The following NAALADL2 variants were observed in gnomAD, a reference collection of about 807,000 sequenced individuals.
NAALADL2 encodes N-acetylated alpha-linked acidic dipeptidase like 2.
NAALADL2 carries 76 observed loss-of-function variants against 87.2 expected under a neutral mutation model. That is an observed-to-expected ratio of 0.87 (90% CI 0.72 to 1.05). The LOEUF (loss-of-function observed/expected upper bound fraction) is 1.05, where lower values mean the gene tolerates loss of function less well. NAALADL2 is among the 50% of genes least tolerant of loss of function. The probability of loss-of-function intolerance (pLI) is 0.00; values close to 1 mark genes in which losing one functional copy is unlikely to be tolerated. For synonymous variants in NAALADL2, 354 were observed against 331.0 expected, an observed-to-expected ratio of 1.07 and a Z score of -0.75; for missense variants, 1,089 against 945.8, an observed-to-expected ratio of 1.15 and a Z score of -1.99.
At chr3:175,461,663 G>A (rs2902108) in intron 6 of NAALADL2, among the ~76,000 whole-genome samples, 105,933 of 152,038 alleles carry the variant, frequency 0.7, 37,280 homozygotes, top group South Asian at 0.77. Flanking sequence ...ACGTTTTCTC[G>A]CTGCTAACTT....
chr3:174,775,024 C>T (rs950567796), intron 3 of NAALADL2, among the ~76,000 whole-genome samples: 1 of 151,970 alleles, frequency 6.6e-6, no homozygotes, highest in Non-Finnish European at 1.5e-5. Context: ...CACATGTCTT[C>T]GCACAGTTCC....
chr3:175,308,352 A>G (rs1757958087), intron 4 of NAALADL2, among the ~76,000 whole-genome samples: 3 of 152,104 alleles, frequency 2.0e-5, no homozygotes, highest in Admixed American at 2.0e-4. Flanking sequence ...ATTTCTTTGC[A>G]CTCAGACGTT....
intron 2 of NAALADL2, among the ~76,000 whole-genome samples, chr3:175,183,303 A>G (rs62285869): frequency 0.37 from 56,486 of 151,268 alleles, 11,720 homozygotes; most frequent in East Asian, 0.52. Flanking sequence ...TCTTTTTCAG[A>G]TAGTTCATTG....
intron 2 of NAALADL2, among the ~76,000 whole-genome samples, chr3:175,168,031 C>T (rs1734234707): frequency 1.4e-5 from 2 of 145,292 alleles, no homozygotes; most frequent in African/African-American, 4.9e-5. Context: ...TAATTCTGAG[C>T]CACTATTACA....
chr3:175,313,361 C>T (rs970630991), intron 4 of NAALADL2, among the ~76,000 whole-genome samples: 1 of 152,090 alleles, frequency 6.6e-6, no homozygotes, highest in African/African-American at 2.4e-5. Flanking sequence ...TTTTGTTACT[C>T]TTCTTATCTA....
chr3:175,399,706 G>T (rs1484124432), intron 5 of NAALADL2, among the ~76,000 whole-genome samples: 4 of 151,942 alleles, frequency 2.6e-5, no homozygotes, highest in African/African-American at 9.7e-5. Flanking sequence ...TTTATGACCT[G>T]TATCTTTTGC....
At position 175,253,978 on chromosome 3, in the gene NAALADL2, A is replaced by G. The variant is rs1325744983; in HGVS notation, c.820-2433A>G. ...GAGATGGAATCTACTTCTAGACTCTATCTTTCCAATTCCCGGGAACATTGT... is the reference window on the plus strand; with the variant it reads ...GAGATGGAATCTACTTCTAGACTCTGTCTTTCCAATTCCCGGGAACATTGT... On this transcript the variant is annotated intron_variant, in intron 3 of 13. Transcript: ENST00000454872. Among the ~76,000 whole-genome samples the G allele has an allele frequency of 3.9e-5, 6 of 152,294 alleles. No homozygotes were observed. In the East Asian group the frequency reaches 7.7e-4, roughly 20 times the overall value.
At chr3:174,561,526 G>C (rs1713618988) in intron 2 of NAALADL2, among the ~76,000 whole-genome samples, 1 of 152,094 alleles carries the variant, frequency 6.6e-6, no homozygotes. Context: ...ACTCAGGCCA[G>C]GGTGGTCACA....
chr3:175,689,729 T>A (rs1736792890), intron 11 of NAALADL2, among the ~76,000 whole-genome samples: 1 of 152,110 alleles, frequency 6.6e-6, no homozygotes, highest in South Asian at 2.1e-4. Context: ...GTTTAGAGAA[T>A]TGTCATTCTA....
chr3:174,700,110 G>GGA (rs1553826277), intron 2 of NAALADL2, among the ~76,000 whole-genome samples: 17 of 98,142 alleles, frequency 1.7e-4, no homozygotes, highest in African/African-American at 8.4e-4. Flanking sequence ...GCATTGATCT[G>GGA]AAAAAAAAAA....
chr3:175,227,660 A>G (rs1356264119), intron 2 of NAALADL2, among the ~76,000 whole-genome samples: 1 of 152,026 alleles, frequency 6.6e-6, no homozygotes, highest in African/African-American at 2.4e-5. Flanking sequence ...GAAAAAATGT[A>G]TAATAAACTG....
At chr3:175,652,645 A>AT (rs1257205979) in intron 11 of NAALADL2, among the ~76,000 whole-genome samples, 7 of 151,640 alleles carry the variant, frequency 4.6e-5, no homozygotes, top group Middle Eastern at 3.4e-3. Context: ...CGCCCGGCTA[A>AT]TTTTTTGTAT....
chr3:175,395,089 C>A (rs951265614), intron 5 of NAALADL2, among the ~76,000 whole-genome samples: 13 of 152,052 alleles, frequency 8.5e-5, no homozygotes, highest in African/African-American at 2.2e-4. Context: ...GTTGGGATAC[C>A]AAGACAGTTG....
At chr3:175,278,723 C>T (rs1753903949) in intron 4 of NAALADL2, among the ~76,000 whole-genome samples, 1 of 152,044 alleles carries the variant, frequency 6.6e-6, no homozygotes, top group African/African-American at 2.4e-5. Flanking sequence ...GCATTATGTT[C>T]ACTGTGCAGG....
Position 174,983,869 on chromosome 3 carries a change from T to C in NAALADL2, c.44-112921T>C, listed in dbSNP as rs551097855. ...ATGAATTAGCTAGCCCTGAGAAGGG[T>C]AGTTTCTTCAAGATGAGCAAGGCCC... On this transcript the variant is annotated intron_variant, in intron 1 of 13. Transcript: ENST00000454872. Among the ~76,000 whole-genome samples, 6 of 152,234 alleles carry C rather than the reference T, an allele frequency of 3.9e-5. No homozygotes were observed. In the South Asian group the frequency reaches 1.2e-3, roughly 32 times the overall value.
intron 3 of NAALADL2, among the ~76,000 whole-genome samples, chr3:174,817,474 T>A (rs2109317931): frequency 6.6e-6 from 1 of 152,202 alleles, no homozygotes; most frequent in Admixed American, 6.5e-5. Flanking sequence ...CGGTGCCACA[T>A]ACTTACAGTC....
intron 2 of NAALADL2, among the ~76,000 whole-genome samples, chr3:174,582,794 G>C (rs1157459724): frequency 6.6e-6 from 1 of 152,160 alleles, no homozygotes. Context: ...ATGTTGGCCA[G>C]ACTGGCCTTG....
chr3:174,892,712 T>A (rs907944576), intron 1 of NAALADL2, among the ~76,000 whole-genome samples: 1 of 151,930 alleles, frequency 6.6e-6, no homozygotes, highest in African/African-American at 2.4e-5. Flanking sequence ...TTGCCTGAGC[T>A]CAGGAGTTCG....
At chr3:174,699,228 T>C (rs1371869329) in intron 2 of NAALADL2, among the ~76,000 whole-genome samples, 1 of 152,174 alleles carries the variant, frequency 6.6e-6, no homozygotes, top group Non-Finnish European at 1.5e-5. Flanking sequence ...CCGGGCACAG[T>C]GGCTCATGCC....
Sources: gnomAD v4.1 joint callset for allele counts (sites outside exome capture counted in the v4.1 genomes callset) on GRCh38, gnomAD v4.1.1 for gene constraint, MANE v1.5 for transcripts, NCBI Gene and HGNC (gene_info 2026-07-23, HGNC 2026-07-21) for gene names.